HMGB3: variants seen among roughly 807,000 people sequenced by gnomAD.
HMGB3 encodes the protein high mobility group box 3.
A neutral mutation model predicts 12.9 loss-of-function variants in HMGB3; 1 was observed. That is an observed-to-expected ratio of 0.08 (90% CI 0.03 to 0.37). The LOEUF is 0.37. HMGB3 is among the 10% of genes least tolerant of loss of function. HMGB3 has a pLI of 0.99. For synonymous variants in HMGB3, 61 were observed against 53.9 expected, an observed-to-expected ratio of 1.13 and a Z score of -0.57; for missense variants, 74 against 153.3, an observed-to-expected ratio of 0.48 and a Z score of 2.73.
At chrX:150,984,791 C>A (rs1040160401) in intron 1 of HMGB3, among the ~76,000 whole-genome samples, 1 of 111,976 alleles carries the variant, frequency 8.9e-6, no homozygotes, top group African/African-American at 3.2e-5. Flanking sequence ...TTTAGTTTTA[C>A]ATGATGACCT....
chrX:150,983,721 G>C (rs2048014365), intron 1 of HMGB3: 2 of 267,225 alleles, frequency 7.5e-6, no homozygotes, highest in African/African-American at 5.9e-5. Flanking sequence ...CCAGATGTTT[G>C]GGCAGCTGCG....
chrX:150,987,524 G>GA (rs1228532524), intron 4 of HMGB3, among the ~76,000 whole-genome samples: 4 of 109,289 alleles, frequency 3.7e-5, no homozygotes, highest in Admixed American at 2.0e-4. Context: ...ACTCTTTAAG[G>GA]AAAAAAAAAT....
In HMGB3 at chrX:150,988,032, A is replaced by G. The variant is rs2048072918; in HGVS notation, c.*118A>G. 4.2e-6 allele frequency: 4 copies of G among 959,155 alleles called. No homozygotes were observed. The Admixed American group carries it at 1.2e-4, about 28-fold the overall frequency. 79.0% of individuals were successfully genotyped at this position (959,155 alleles called of 1,213,427 possible). ...TTAGGTTTAATTACAAAATTTGATC[A>G]CGATCATATTGTAGTCTCTCAAAGT... On this transcript the variant is annotated 3_prime_UTR_variant, in exon 5 of 5. Transcript: ENST00000325307.
intron 1 of HMGB3, chrX:150,983,724 C>A: frequency 3.8e-6 from 1 of 263,883 alleles, no homozygotes; most frequent in Non-Finnish European, 5.2e-6. Context: ...GATGTTTGGG[C>A]AGCTGCGGCT....
At position 150,988,180 on chromosome X, in the gene HMGB3, C is replaced by A. The variant is rs1343151389; in HGVS notation, c.*266C>A. 2 of 275,078 alleles carry A rather than the reference C, an allele frequency of 7.3e-6. No individual in the cohort carries two copies. Among genetic ancestry groups the A allele is most frequent in the African/African-American group, 5.3e-5 (2 of 37,484 alleles). The allele number at this position is 275,078 out of a possible 1,213,427, so 22.7% of individuals were successfully genotyped here. ...AATGAAAAGGCACTCTCGTGTTCTC[C>A]TCACTCTGTGCACTTTGCTGTTGGT... On this transcript the variant is annotated 3_prime_UTR_variant, in exon 5 of 5. Coordinates refer to ENST00000325307, the MANE Select transcript of HMGB3 (RefSeq NM_005342.4).
At chrX:150,983,265 G>T, upstream of HMGB3, 1 of 752,880 alleles carries the variant, frequency 1.3e-6, no homozygotes, top group South Asian at 6.5e-5. Flanking sequence ...TGTTTTAAAC[G>T]GCAGAGCCCG....
chrX:150,990,560 T>C lies in HMGB3; in HGVS notation c.*2646T>C, dbSNP rs2048102253. The C allele has an allele frequency of 9.1e-6, 1 of 110,227 alleles. No individual in the cohort carries two copies. Among genetic ancestry groups the C allele is most frequent in the African/African-American group, 3.3e-5 (1 of 30,252 alleles). 9.1% of individuals were successfully genotyped at this position (110,227 alleles called of 1,213,427 possible). A position where few individuals can be genotyped will look rare whatever the true frequency, so the allele number is the denominator to read the frequency against. ...ATGCCAACCTGTTGCTTTTTTTTTT[T>C]TTTTCCCCCATTTAAAAGGATAGTA... On this transcript the variant is annotated 3_prime_UTR_variant, in exon 5 of 5. Transcript: ENST00000325307.
chrX:150,984,361 GGGCGGC>G (rs1161547742), intron 1 of HMGB3, among the ~76,000 whole-genome samples: 1 of 96,662 alleles, frequency 1.0e-5, no homozygotes, highest in Non-Finnish European at 2.1e-5. Context: ...GCCGACGGGC[GGGCGGC>G]GGCGGCGGGG....
chrX:150,986,792 C>T (rs1361888726), intron 3 of HMGB3, among the ~76,000 whole-genome samples: 1 of 110,629 alleles, frequency 9.0e-6, no homozygotes, highest in Non-Finnish European at 1.9e-5. Context: ...TACAGACATG[C>T]ACCACCATGC....
At position 150,989,337 on chromosome X, in the gene HMGB3, C is replaced by T. The variant is rs1459056615; in HGVS notation, c.*1423C>T. The T allele has an allele frequency of 9.0e-6, 1 of 110,633 alleles. No homozygotes were observed. Among genetic ancestry groups the T allele is most frequent in the Non-Finnish European group, 1.9e-5 (1 of 52,894 alleles). The allele number at this position is 110,633 out of a possible 1,213,427, so 9.1% of individuals were successfully genotyped here. Reference sequence around the variant, plus strand: ...TTTTTTTGCTCCTACTTGGAAACACCAAACACCCCAAGGAAGATGATAGGC... The same window carrying T: ...TTTTTTTGCTCCTACTTGGAAACACTAAACACCCCAAGGAAGATGATAGGC... On this transcript the variant is annotated 3_prime_UTR_variant, in exon 5 of 5. Coordinates refer to ENST00000325307, the MANE Select transcript of HMGB3 (RefSeq NM_005342.4).
upstream of HMGB3, among the ~76,000 whole-genome samples, chrX:150,983,074 G>A (rs1035203944): frequency 8.9e-6 from 1 of 112,540 alleles, no homozygotes; most frequent in African/African-American, 3.3e-5. Flanking sequence ...TCTGTTCCCC[G>A]AGGGGGCTGG....
chrX:150,983,398 CCCGCCGCCG>C (rs782215936), intron 1 of HMGB3, 22 bp downstream of exon 1: 91,470 of 683,337 alleles, frequency 0.13, 4,416 homozygotes, highest in Admixed American at 0.2. Context: ...ACCGCCCGCT[CCCGCCGCCG>C]CCGCCGCCGC....
rs374801685 is a variant in HMGB3, at chrX:150,985,950, C to G, written c.151-101C>G. On this transcript the variant is annotated intron_variant, in intron 2 of 4. Transcript: ENST00000325307. The stretch of plus-strand genomic sequence containing the variant: ...ACAGGTTTCAGGCCTTTACCTACCC[C>G]CTTTTGCAAGTGGTTCTAGCAACTG... 5.5e-5 allele frequency: 52 copies of G among 950,254 alleles called. No individual in the cohort carries two copies. In the Admixed American group the frequency reaches 1.1e-3, roughly 20 times the overall value. The allele number at this position is 950,254 out of a possible 1,213,427, so 78.3% of individuals were successfully genotyped here. A position where few individuals can be genotyped will look rare whatever the true frequency, so the allele number is the denominator to read the frequency against.
chrX:150,986,596 A>G (rs781802704), intron 3 of HMGB3, among the ~76,000 whole-genome samples: 1 of 110,999 alleles, frequency 9.0e-6, no homozygotes, highest in South Asian at 3.8e-4. Context: ...ACAGAGCACC[A>G]TATATATATG....
intron 2 of HMGB3, 96 bp downstream of exon 2, chrX:150,985,845 C>G: frequency 1.1e-6 from 1 of 882,321 alleles, no homozygotes; most frequent in Non-Finnish European, 1.6e-6. Flanking sequence ...CTGCTTGCTT[C>G]CTCTTTTACT....
chrX:150,982,362 C>T (rs1038565102), upstream of HMGB3, among the ~76,000 whole-genome samples: 26 of 111,908 alleles, frequency 2.3e-4, no homozygotes, highest in Admixed American at 1.0e-3. Flanking sequence ...AAAACATTGC[C>T]TGAATCCCCA....
In HMGB3 at chrX:150,987,869, A is replaced by AGAG. The variant is rs782675400; in HGVS notation, c.567_569dup (p.Glu198dup). The AGAG allele has an allele frequency of 8.4e-7, 1 of 1,195,601 alleles. No homozygotes were observed. The highest frequency in any genetic ancestry group is 1.1e-6 in the Non-Finnish European group (1 of 887,596). ...AAAAGGTGGAAGAGGAAGATGAAGA[A>AGAG]GAGGAGGAGGAAGAAGAGGAGGAGG... is the stretch of plus-strand genomic sequence containing the variant. On this transcript the variant is annotated inframe_insertion, in exon 5 of 5. Transcript: ENST00000325307.
chrX:150,981,428 G>A (rs984621435), upstream of HMGB3, among the ~76,000 whole-genome samples: 1 of 106,630 alleles, frequency 9.4e-6, no homozygotes, highest in Non-Finnish European at 1.9e-5. Flanking sequence ...ACCTGGGTTA[G>A]TGACACAATA....
chrX:150,985,088 C>T (rs987431444), intron 1 of HMGB3, among the ~76,000 whole-genome samples: 1 of 111,452 alleles, frequency 9.0e-6, no homozygotes, highest in Non-Finnish European at 1.9e-5. Context: ...ACAATAGTGA[C>T]AATTTCAGAT....
Sources: gnomAD v4.1 joint callset for allele counts (sites outside exome capture counted in the v4.1 genomes callset) on GRCh38, gnomAD v4.1.1 for gene constraint, MANE v1.5 for transcripts, NCBI Gene and HGNC (gene_info 2026-07-23, HGNC 2026-07-21) for gene names.